Variants in VWA8 observed in about 807,000 individuals in gnomAD.
VWA8 encodes the protein von Willebrand factor A domain-containing protein 8.
Under a neutral mutation model 241.5 loss-of-function variants are expected in VWA8, and 221 were observed. That is an observed-to-expected ratio of 0.91 (90% CI 0.82 to 1.02). The LOEUF is 1.02. Ranked by LOEUF, VWA8 falls within the 50% of genes least tolerant of loss-of-function variation. The pLI, the probability that VWA8 is intolerant of heterozygous loss-of-function variation, is 0.00. For synonymous variants in VWA8, 852 were observed against 827.1 expected, an observed-to-expected ratio of 1.03 and a Z score of -0.52; for missense variants, 2,322 against 2,328.7, an observed-to-expected ratio of 1.00 and a Z score of 0.06.
At chr13:41,699,318 T>G in intron 28 of VWA8, 48 bp from the exon 29 acceptor site, 3 of 1,570,518 alleles carry the variant, frequency 1.9e-6, no homozygotes, top group Non-Finnish European at 2.6e-6. Flanking sequence ...ACCAATTCTC[T>G]AATTGGCCAA....
chr13:41,771,822 T>C (rs1439801727), intron 20 of VWA8, among the ~76,000 whole-genome samples: 1 of 150,958 alleles, frequency 6.6e-6, no homozygotes, highest in Non-Finnish European at 1.5e-5. Flanking sequence ...ACTCAAGCAA[T>C]CCGCCCACCT....
intron 12 of VWA8, among the ~76,000 whole-genome samples, chr13:41,857,580 C>T (rs1872808310): frequency 6.6e-6 from 1 of 152,014 alleles, no homozygotes; most frequent in African/African-American, 2.4e-5. Context: ...GTATGAGTAA[C>T]ACTAAAATTC....
intron 37 of VWA8, among the ~76,000 whole-genome samples, chr13:41,660,464 A>T (rs192671557): frequency 4.6e-5 from 7 of 151,822 alleles, no homozygotes; most frequent in Admixed American, 1.3e-4. Flanking sequence ...TCCTCTAAAC[A>T]CTCCACAGTG....
At chr13:41,840,191 T>A (rs981964578) in intron 12 of VWA8, among the ~76,000 whole-genome samples, 1 of 152,170 alleles carries the variant, frequency 6.6e-6, no homozygotes, top group African/African-American at 2.4e-5. Flanking sequence ...TGTGTTGGAA[T>A]GCTTGTGATT....
rs2044347225 is a variant in VWA8 at position 41,575,782 on chromosome 13, G to C, written c.5328C>G (p.Asn1776Lys). The change falls in exon 43 of 45, where the codon AAC becomes AAG. Residue 1776 changes from asparagine to lysine, a missense_variant. By Grantham distance (94) the Asn-to-Lys change is moderately conservative. Transcript: ENST00000379310. ...DGYNIGLVPM[N>K]KIPKDNKQRL... The stretch of plus-strand genomic sequence containing the variant: ...TTTGCTTATTGTCCTTGGGGATTTT[G>C]TTCATTGGAACCAGACCAATGTTGT... 6.2e-7 allele frequency: 1 copy of C among 1,613,166 alleles called. No individual in the cohort carries two copies. The highest frequency in any genetic ancestry group is 1.7e-5 in the Admixed American group (1 of 59,920).
intron 18 of VWA8, 111 bp downstream of exon 18, chr13:41,787,326 G>A: frequency 1.1e-6 from 1 of 872,564 alleles, no homozygotes; most frequent in South Asian, 1.7e-5. Flanking sequence ...CAAAGTAGAT[G>A]AAAACCAAAA....
chr13:41,591,075 G>A (rs529857744), intron 40 of VWA8, among the ~76,000 whole-genome samples: 80 of 152,198 alleles, frequency 5.3e-4, no homozygotes, highest in African/African-American at 1.7e-3. Context: ...TTTCTGTCAC[G>A]GTGCTTCTCA....
chr13:41,733,646 T>C (rs2045502945), intron 21 of VWA8, among the ~76,000 whole-genome samples: 1 of 152,172 alleles, frequency 6.6e-6, no homozygotes, highest in South Asian at 2.1e-4. Flanking sequence ...CCTGACCTTT[T>C]GTAGAGCAGC....
In VWA8 at chr13:41,729,638, C is replaced by T; in HGVS notation, c.2542G>A (p.Glu848Lys). 6.2e-7 allele frequency: 1 copy of T among 1,612,964 alleles called. No individual in the cohort carries two copies. The highest frequency in any genetic ancestry group is 1.1e-5 in the South Asian group (1 of 90,856). ...VKLGHILVVDEADKAPTNVTC... is the reference protein window; with the variant it reads ...VKLGHILVVDKADKAPTNVTC... ...ACATTTGTTGGAGCTTTGTCAGCCT[C>T]ATCTACTACCAGAATATGACCCAAC... The change falls in exon 23 of 45, where the codon GAG becomes AAG. Residue 848 changes from glutamate to lysine, a missense_variant. Transcript: ENST00000379310.
chr13:41,616,015 C>A (rs541218564), intron 37 of VWA8, among the ~76,000 whole-genome samples: 1 of 152,262 alleles, frequency 6.6e-6, no homozygotes, highest in Admixed American at 6.5e-5. Context: ...CTGTGAGGTA[C>A]CATGGGGCCT....
At chr13:41,708,348 C>T (rs1211309804) in intron 26 of VWA8, among the ~76,000 whole-genome samples, 6 of 150,948 alleles carry the variant, frequency 4.0e-5, no homozygotes, top group South Asian at 2.1e-4. Flanking sequence ...GAAACAAGAG[C>T]GAAATTTGGT....
At chr13:41,763,713 G>A (rs948171340) in intron 20 of VWA8, among the ~76,000 whole-genome samples, 1 of 152,138 alleles carries the variant, frequency 6.6e-6, no homozygotes, top group Non-Finnish European at 1.5e-5. Flanking sequence ...CATCACAAAT[G>A]CATTACAATG....
chr13:41,591,371 T>C (rs960218042), intron 40 of VWA8, among the ~76,000 whole-genome samples: 1 of 152,238 alleles, frequency 6.6e-6, no homozygotes, highest in African/African-American at 2.4e-5. Flanking sequence ...GATAGACTAA[T>C]TTTACGGCAG....
intron 12 of VWA8, chr13:41,864,519 T>C (rs1240858886): frequency 2.6e-6 from 1 of 378,602 alleles, no homozygotes; most frequent in Non-Finnish European, 5.1e-6. Flanking sequence ...GAAATTCTGA[T>C]ATATGCAACA....
intron 19 of VWA8, among the ~76,000 whole-genome samples, chr13:41,783,343 T>C (rs1428984949): frequency 6.6e-6 from 1 of 151,696 alleles, no homozygotes; most frequent in African/African-American, 2.4e-5. Flanking sequence ...TCTTATGTCT[T>C]AATAAAAGTT....
At chr13:41,844,629 A>G (rs1430959604) in intron 12 of VWA8, among the ~76,000 whole-genome samples, 1 of 152,188 alleles carries the variant, frequency 6.6e-6, no homozygotes, top group East Asian at 1.9e-4. Context: ...AACAGATGTC[A>G]GTAAAATTTC....
At position 41,571,346 on chromosome 13, in the gene VWA8, CG is replaced by C. The variant is rs374581446; in HGVS notation, c.5371-641del. ...CTCTCCCGTCTCCCTCTCCCTCTCC[CG>C]TCTCCCTCTCCCTCTCCCCGGTCTC... On this transcript the variant is annotated intron_variant, in intron 43 of 44. Transcript: ENST00000379310. Among the ~76,000 whole-genome samples, 49 of 109,192 alleles carry C rather than the reference CG, an allele frequency of 4.5e-4. 1 individual carries two copies. The highest frequency in any genetic ancestry group is 1.1e-3 in the South Asian group (3 of 2,650). 71.6% of individuals were successfully genotyped at this position (109,192 alleles called of 152,430 possible). A position where few individuals can be genotyped will look rare whatever the true frequency, so the allele number is the denominator to read the frequency against.
intron 23 of VWA8, 21 bp downstream of exon 23, chr13:41,729,521 A>G: frequency 6.2e-7 from 1 of 1,601,138 alleles, no homozygotes; most frequent in Non-Finnish European, 8.5e-7. Context: ...TAAAGGAAAC[A>G]TTGCTTTCTA....
chr13:41,603,118 A>C (rs2044532254), intron 40 of VWA8, among the ~76,000 whole-genome samples: 2 of 152,150 alleles, frequency 1.3e-5, no homozygotes, highest in African/African-American at 4.8e-5. Context: ...CAACCCCCTT[A>C]AGGATTTTTA....
Sources: gnomAD v4.1 joint callset for allele counts (sites outside exome capture counted in the v4.1 genomes callset) on GRCh38, gnomAD v4.1.1 for gene constraint, MANE v1.5 for transcripts, NCBI Gene and HGNC (gene_info 2026-07-23, HGNC 2026-07-21) for gene names.